The following BICDL1 variants were observed in gnomAD, a reference collection of about 807,000 sequenced individuals.
BICDL1 encodes BICD family-like cargo adapter 1.
Under a neutral mutation model 76.8 loss-of-function variants are expected in BICDL1, and 20 were observed. That is an observed-to-expected ratio of 0.26 (90% CI 0.18 to 0.38). The LOEUF (loss-of-function observed/expected upper bound fraction) is 0.38. Among genes scored for constraint, BICDL1 ranks in the 10% least tolerant of loss-of-function variants. BICDL1 has a pLI of 1.00. For synonymous variants in BICDL1, 383 were observed against 337.1 expected (o/e 1.14, Z -1.49); for missense variants, 700 against 798.6 (o/e 0.88, Z 1.49).
intron 2 of BICDL1, among the ~76,000 whole-genome samples, chr12:120,013,313 C>CA (rs202156339): frequency 0.33 from 42,356 of 127,944 alleles, 7,695 homozygotes; most frequent in African/African-American, 0.53. Context: ...GACTCCATCT[C>CA]AAAAAAAAAA....
At chr12:120,033,462 C>T (rs753084886) in intron 2 of BICDL1, among the ~76,000 whole-genome samples, 1 of 147,380 alleles carries the variant, frequency 6.8e-6, no homozygotes, top group Admixed American at 6.8e-5. Flanking sequence ...CTGCAAACTC[C>T]GCCTCCCGGG....
chr12:120,057,219 T>TG, intron 2 of BICDL1: 1 of 446,248 alleles, frequency 2.2e-6, no homozygotes, highest in Non-Finnish European at 4.4e-6. Flanking sequence ...TTCACCATAT[T>TG]GTCCAGGCTG....
rs753333302 is a variant in BICDL1, at chr12:120,071,844, T to A, written c.1089+43T>A. 6.6e-7 allele frequency: 1 copy of A among 1,525,252 alleles called. No homozygotes were observed. Among genetic ancestry groups the A allele is most frequent in the Non-Finnish European group, 8.8e-7 (1 of 1,137,056 alleles). 94.5% of individuals were successfully genotyped at this position (1,525,252 alleles called of 1,614,324 possible). ...ACCCCACAGGCGAGGCTACCTGGGG[T>A]TGCTTAGGTCTCATCCTCCTCCCTA... On this transcript the variant is annotated intron_variant, in intron 5 of 9. Transcript: ENST00000548673. This position sits in a 1 kb window ranked among gnomAD's most constrained non-coding sequence, Gnocchi z 4.8.
chr12:120,021,505 T>G (rs1238601456), intron 2 of BICDL1, among the ~76,000 whole-genome samples: 1 of 144,302 alleles, frequency 6.9e-6, no homozygotes, highest in African/African-American at 2.6e-5. Flanking sequence ...GAGAATCGCT[T>G]GAACCCAGAA....
chr12:120,013,136 C>T (rs1394517776), intron 2 of BICDL1, among the ~76,000 whole-genome samples: 2 of 151,990 alleles, frequency 1.3e-5, no homozygotes, highest in African/African-American at 4.8e-5. Context: ...CATGGCGAAA[C>T]CCCGTCTCTA....
chr12:120,044,330 A>T (rs921907383), intron 2 of BICDL1, among the ~76,000 whole-genome samples: 1 of 152,174 alleles, frequency 6.6e-6, no homozygotes, highest in African/African-American at 2.4e-5. Context: ...GTGGGGAAGT[A>T]TGAAAAACAC....
At chr12:120,056,432 G>T (rs563799981) in intron 2 of BICDL1, among the ~76,000 whole-genome samples, 125 of 152,240 alleles carry the variant, frequency 8.2e-4, no homozygotes, top group African/African-American at 2.9e-3. Context: ...CTATAAGAAT[G>T]AATTGAGGCC....
intron 9 of BICDL1, chr12:120,091,472 G>A: frequency 1.0e-6 from 1 of 998,024 alleles, no homozygotes; most frequent in Non-Finnish European, 1.2e-6. Flanking sequence ...CACGTCGTAA[G>A]TGCAGGGCAC....
In BICDL1 at chr12:119,990,298, G is replaced by A; in HGVS notation, c.429+1G>A. 1 of 1,560,076 alleles carries A rather than the reference G, an allele frequency of 6.4e-7. No individual in the cohort carries two copies. The highest frequency in any genetic ancestry group is 8.7e-7 in the Non-Finnish European group (1 of 1,152,874). On this transcript the variant is annotated splice_donor_variant, in intron 1 of 9. Transcript: ENST00000548673. LOFTEE classifies it high-confidence loss of function. ...TAAGGAGCTGACAGACAAGCTCGAG[G>A]TGAGGACCTCCCTCCAGGGATGGGT...
At chr12:120,081,546 A>G (rs1156656574) in intron 8 of BICDL1, among the ~76,000 whole-genome samples, 1 of 151,650 alleles carries the variant, frequency 6.6e-6, no homozygotes, top group Non-Finnish European at 1.5e-5. Context: ...ACAGGGTTTC[A>G]CCATATTGGC....
chr12:120,070,471 C>T (rs955091952), intron 4 of BICDL1, among the ~76,000 whole-genome samples: 2 of 152,042 alleles, frequency 1.3e-5, no homozygotes, highest in Non-Finnish European at 2.9e-5. Context: ...TTTTCTCTCA[C>T]GTTATTTTGA....
intron 2 of BICDL1, among the ~76,000 whole-genome samples, chr12:120,008,935 G>A (rs190983485): frequency 6.6e-6 from 1 of 151,386 alleles, no homozygotes; most frequent in Non-Finnish European, 1.5e-5. Flanking sequence ...TTATTCTTCC[G>A]GCATAGAGGT....
At chr12:120,056,721 A>AC (rs1952981795) in intron 2 of BICDL1, among the ~76,000 whole-genome samples, 1 of 152,174 alleles carries the variant, frequency 6.6e-6, no homozygotes, top group Non-Finnish European at 1.5e-5. Context: ...CGTCTCAAAA[A>AC]AAAAAAAAAG....
chr12:120,043,653 G>T (rs1298767996), intron 2 of BICDL1, among the ~76,000 whole-genome samples: 4 of 152,316 alleles, frequency 2.6e-5, no homozygotes, highest in Non-Finnish European at 5.9e-5. Flanking sequence ...AAATCAAAGG[G>T]AATTATCTCA....
At chr12:120,069,067 G>C (rs1872889062) in intron 4 of BICDL1, among the ~76,000 whole-genome samples, 1 of 152,038 alleles carries the variant, frequency 6.6e-6, no homozygotes, top group African/African-American at 2.4e-5. Context: ...TGACATAGTT[G>C]GACTCATTGA....
intron 7 of BICDL1, among the ~76,000 whole-genome samples, chr12:120,080,199 C>T (rs1173737064): frequency 2.0e-5 from 3 of 152,210 alleles, no homozygotes; most frequent in African/African-American, 2.4e-5. Flanking sequence ...TGGTCCCTGA[C>T]GGAGCCACTG....
At chr12:120,084,204 G>T (rs146479534) in intron 8 of BICDL1, among the ~76,000 whole-genome samples, 1 of 151,964 alleles carries the variant, frequency 6.6e-6, no homozygotes, top group Non-Finnish European at 1.5e-5. Flanking sequence ...GGGTTTCACC[G>T]TGTTAGTCAG....
At chr12:120,083,723 G>A (rs1400299062) in intron 8 of BICDL1, among the ~76,000 whole-genome samples, 1 of 151,588 alleles carries the variant, frequency 6.6e-6, no homozygotes, top group Non-Finnish European at 1.5e-5. Context: ...GCAGTGGCAC[G>A]ACCTCGTCTC....
At chr12:119,999,008 G>A (rs1302485381) in intron 2 of BICDL1, among the ~76,000 whole-genome samples, 2 of 141,960 alleles carry the variant, frequency 1.4e-5, no homozygotes, top group African/African-American at 5.4e-5. Context: ...AGTGAGCTGT[G>A]ATCAGTCATG....
Sources: allele counts gnomAD v4.1 joint callset (sites outside exome capture counted in the v4.1 genomes callset), GRCh38; gene constraint gnomAD v4.1.1; non-coding constraint Gnocchi (gnomAD v3.1); transcripts MANE v1.5; gene names NCBI Gene and HGNC (gene_info 2026-07-23, HGNC 2026-07-21).